Variants in EPHA6 observed in about 807,000 individuals in gnomAD.
EPHA6 encodes ephrin type-A receptor 6.
EPHA6 carries 50 observed loss-of-function variants against 112.0 expected under a neutral mutation model. The ratio of observed to expected loss-of-function variants is 0.45; its 90% confidence interval spans 0.36 to 0.56. The LOEUF (loss-of-function observed/expected upper bound fraction) is 0.56. EPHA6 is among the 20% of genes least tolerant of loss of function. The probability of loss-of-function intolerance (pLI) is 0.00; values close to 1 mark genes in which losing one functional copy is unlikely to be tolerated. For missense variants in EPHA6, 1,280 were observed against 1,417.4 expected (o/e 0.90, Z 1.56); for synonymous variants, 529 against 490.7 (o/e 1.08, Z -1.03).
At chr3:97,619,478 T>G (rs1481250380) in intron 13 of EPHA6, among the ~76,000 whole-genome samples, 1 of 149,584 alleles carries the variant, frequency 6.7e-6, no homozygotes, top group Non-Finnish European at 1.5e-5. Flanking sequence ...GTCAAACTTA[T>G]CCCTGTTTGT....
At chr3:97,662,334 T>G (rs957458770) in intron 14 of EPHA6, among the ~76,000 whole-genome samples, 1 of 152,128 alleles carries the variant, frequency 6.6e-6, no homozygotes, top group Non-Finnish European at 1.5e-5. Flanking sequence ...GCAGAATAAC[T>G]AAGGATTAAG....
At position 97,271,635 on chromosome 3, in the gene EPHA6, G is replaced by A. The variant is rs550026620; in HGVS notation, c.1606+27348G>A. ...GGCCTCCCAAAGTGCTGGGGTTACA[G>A]GCATGAGCCACCGCACCCATCCTTA... On this transcript the variant is annotated intron_variant, in intron 5 of 17. Coordinates refer to ENST00000389672, the MANE Select transcript of EPHA6 (RefSeq NM_001080448.3). Among the ~76,000 whole-genome samples, 22 of 152,292 alleles carry A rather than the reference G, an allele frequency of 1.4e-4. 1 individual carries two copies. The highest frequency in any genetic ancestry group is 2.6e-4 in the Non-Finnish European group (18 of 68,020).
At chr3:97,693,983 T>G (rs993722238) in intron 14 of EPHA6, among the ~76,000 whole-genome samples, 2 of 152,176 alleles carry the variant, frequency 1.3e-5, no homozygotes, top group Non-Finnish European at 2.9e-5. Context: ...AGCTCTTCAT[T>G]AAAGGTAATA....
chr3:97,427,646 T>A (rs1328906420), intron 6 of EPHA6, among the ~76,000 whole-genome samples: 2 of 151,860 alleles, frequency 1.3e-5, no homozygotes, highest in Admixed American at 1.3e-4. Context: ...TGACACAGGT[T>A]TACCTGTGTA....
intron 5 of EPHA6, among the ~76,000 whole-genome samples, chr3:97,401,160 G>A (rs559118292): frequency 6.6e-6 from 1 of 151,218 alleles, no homozygotes; most frequent in African/African-American, 2.4e-5. Context: ...GCTTTTTTTT[G>A]CATCTGTTGA....
At chr3:97,145,903 A>G (rs545572629) in intron 3 of EPHA6, among the ~76,000 whole-genome samples, 2 of 151,732 alleles carry the variant, frequency 1.3e-5, no homozygotes, top group Admixed American at 6.6e-5. Flanking sequence ...CTTGTCGCCA[A>G]AGTATCTAGT....
chr3:97,530,186 C>T (rs899937211), intron 10 of EPHA6, among the ~76,000 whole-genome samples: 3 of 151,860 alleles, frequency 2.0e-5, no homozygotes, highest in African/African-American at 7.2e-5. Context: ...TCTTAATAGG[C>T]CTGGATGTAT....
intron 3 of EPHA6, among the ~76,000 whole-genome samples, chr3:97,076,785 C>T (rs555192510): frequency 2.6e-5 from 4 of 152,016 alleles, no homozygotes; most frequent in African/African-American, 7.2e-5. Flanking sequence ...TTTGCTATTC[C>T]AAAGATTCTA....
intron 14 of EPHA6, among the ~76,000 whole-genome samples, chr3:97,691,379 C>T (rs1032039009): frequency 6.6e-6 from 1 of 152,178 alleles, no homozygotes; most frequent in Admixed American, 6.5e-5. Flanking sequence ...AATATGAGCT[C>T]ACTAGCTTTA....
At chr3:97,466,212 G>T (rs9825788) in intron 7 of EPHA6, 3 of 792,412 alleles carry the variant, frequency 3.8e-6, no homozygotes, top group Non-Finnish European at 4.4e-6. Flanking sequence ...TCCAGTTACC[G>T]GGCAAACAGA....
intron 3 of EPHA6, among the ~76,000 whole-genome samples, chr3:97,183,644 C>T (rs1434061410): frequency 6.6e-6 from 1 of 152,032 alleles, no homozygotes; most frequent in East Asian, 1.9e-4. Flanking sequence ...ATAATGGCCT[C>T]ACTTTATAAT....
chr3:96,881,597 CT>C (rs1471299676), intron 2 of EPHA6, among the ~76,000 whole-genome samples: 1 of 152,286 alleles, frequency 6.6e-6, no homozygotes, highest in East Asian at 1.9e-4. Context: ...TATTCTGCCC[CT>C]GGCCCCTGTC....
At chr3:97,198,564 A>G (rs895899223) in intron 3 of EPHA6, among the ~76,000 whole-genome samples, 2 of 152,124 alleles carry the variant, frequency 1.3e-5, no homozygotes, top group Admixed American at 6.6e-5. Context: ...AAAAGGATCT[A>G]TGGGGATAAG....
At chr3:96,877,521 C>A (rs1463935602) in intron 2 of EPHA6, among the ~76,000 whole-genome samples, 2 of 151,840 alleles carry the variant, frequency 1.3e-5, no homozygotes, top group Admixed American at 1.3e-4. Context: ...TAATCCTGCA[C>A]CTTGTAATTA....
intron 13 of EPHA6, among the ~76,000 whole-genome samples, chr3:97,616,253 G>GA (rs1260139883): frequency 6.6e-6 from 1 of 151,990 alleles, no homozygotes; most frequent in Non-Finnish European, 1.5e-5. Context: ...CCATTAAAAG[G>GA]AAAAAAATAA....
At chr3:97,539,066 C>CCCTTCCTTCCTT (rs747004303) in intron 11 of EPHA6, among the ~76,000 whole-genome samples, 20 of 124,068 alleles carry the variant, frequency 1.6e-4, no homozygotes, top group East Asian at 9.3e-4. Flanking sequence ...TCTCTTTCTT[C>CCCTTCCTTCCTT]CCTTCCTTCC....
chr3:97,154,627 T>C (rs2076247713), intron 3 of EPHA6, among the ~76,000 whole-genome samples: 2 of 152,144 alleles, frequency 1.3e-5, no homozygotes, highest in African/African-American at 2.4e-5. Context: ...ATTTTCCCCT[T>C]CCTCCACCTT....
At chr3:96,860,190 G>T (rs2035929939) in intron 1 of EPHA6, among the ~76,000 whole-genome samples, 1 of 152,098 alleles carries the variant, frequency 6.6e-6, no homozygotes, top group Non-Finnish European at 1.5e-5. Flanking sequence ...AGTTAGGGAA[G>T]TTAACATCTA....
At chr3:97,673,946 A>G (rs1298194573) in intron 14 of EPHA6, among the ~76,000 whole-genome samples, 2 of 152,238 alleles carry the variant, frequency 1.3e-5, no homozygotes, top group Non-Finnish European at 2.9e-5. Flanking sequence ...CTGTAGTAGT[A>G]TGGCATTAAA....
Sources: gnomAD v4.1 joint callset for allele counts (sites outside exome capture counted in the v4.1 genomes callset) on GRCh38, gnomAD v4.1.1 for gene constraint, MANE v1.5 for transcripts, NCBI Gene and HGNC (gene_info 2026-07-23, HGNC 2026-07-21) for gene names.